SPNS2: variants seen among roughly 807,000 people sequenced by gnomAD.
SPNS2 encodes the protein SPNS lysolipid transporter 2, sphingosine-1-phosphate.
Under a neutral mutation model 57.6 loss-of-function variants are expected in SPNS2, and 37 were observed. The observed-to-expected ratio is 0.64, with a 90% CI of 0.49 to 0.85. The LOEUF (loss-of-function observed/expected upper bound fraction) is 0.85, where lower values mean the gene tolerates loss of function less well. SPNS2 is among the 40% of genes least tolerant of loss of function. SPNS2 has a pLI of 0.00. For missense variants in SPNS2, 831 were observed against 779.1 expected (o/e 1.07, Z -0.79); for synonymous variants, 440 against 346.9 (o/e 1.27, Z -2.98).
In SPNS2 at chr17:4,522,641, C is replaced by T. The variant is rs140987451; in HGVS notation, c.437-2416C>T. The stretch of plus-strand genomic sequence containing the variant: ...GGTCTCAGGCCCACGGAGGAGCAGC[C>T]GGGACCACGCACACATTCAGCCTGG... On this transcript the variant is annotated intron_variant, in intron 2 of 12. Coordinates refer to ENST00000329078, the MANE Select transcript of SPNS2 (RefSeq NM_001124758.3). 1.6e-3 allele frequency among the ~76,000 whole-genome samples: 250 copies of T among 152,328 alleles called. 1 individual carries two copies. The highest frequency in any genetic ancestry group is 5.6e-3 in the African/African-American group (231 of 41,580).
rs1044505317 is a variant in SPNS2, at chr17:4,532,913, T to C, written c.936-64T>C. 7.2e-5 allele frequency: 112 copies of C among 1,557,034 alleles called. No homozygotes were observed. The African/African-American group carries it at 1.4e-3, about 19-fold the overall frequency. ...GGGGGCCTCCTGTTCCCCCAGTGCA[T>C]GGGGCTGCCTAGGGGGGTGAAGGAG... On this transcript the variant is annotated intron_variant, in intron 6 of 12. Coordinates refer to ENST00000329078, the MANE Select transcript of SPNS2 (RefSeq NM_001124758.3).
At position 4,536,462 on chromosome 17, in the gene SPNS2, C is replaced by T. The variant is rs376934065; in HGVS notation, c.1607+36C>T. 17 of 1,573,374 alleles carry T rather than the reference C, an allele frequency of 1.1e-5. No homozygotes were observed. In the East Asian group the frequency reaches 1.3e-4, roughly 12 times the overall value. On this transcript the variant is annotated intron_variant, in intron 11 of 12. Coordinates refer to ENST00000329078, the MANE Select transcript of SPNS2 (RefSeq NM_001124758.3). ...GGGAGGGGAGGCCCTGCTGCACCGCCGGGAAGCAGGGACCGTGATAGCCAC... is the reference window on the plus strand; with the variant it reads ...GGGAGGGGAGGCCCTGCTGCACCGCTGGGAAGCAGGGACCGTGATAGCCAC...
Position 4,537,483 on chromosome 17 carries a change from C to T in SPNS2, c.*35C>T, listed in dbSNP as rs1207410209. ...ATTGGGACAATGAAGAACCCACACT[C>T]CCACCTCGTCTGGGAGGTGTCCTAC... On this transcript the variant is annotated 3_prime_UTR_variant, in exon 13 of 13. Coordinates refer to ENST00000329078, the MANE Select transcript of SPNS2 (RefSeq NM_001124758.3). 4.4e-6 allele frequency: 2 copies of T among 456,562 alleles called. No individual in the cohort carries two copies. Among genetic ancestry groups the T allele is most frequent in the Admixed American group, 4.7e-5 (2 of 42,580 alleles). 28.3% of individuals were successfully genotyped at this position (456,562 alleles called of 1,614,324 possible).
At chr17:4,536,473 G>C in intron 11 of SPNS2, 47 bp downstream of exon 11, 1 of 1,566,350 alleles carries the variant, frequency 6.4e-7, no homozygotes. Context: ...GGGAAGCAGG[G>C]ACCGTGATAG....
chr17:4,500,698 G>T (rs918348649), intron 1 of SPNS2, among the ~76,000 whole-genome samples: 54 of 138,918 alleles, frequency 3.9e-4, no homozygotes, highest in Admixed American at 2.2e-3. Flanking sequence ...TAAACCACAT[G>T]CCACCTGGTG....
At chr17:4,532,711 G>A (rs773871133) in intron 6 of SPNS2, 27 bp downstream of exon 6, 248 of 1,606,686 alleles carry the variant, frequency 1.5e-4, no homozygotes, top group Non-Finnish European at 1.9e-4. Context: ...GGGGTCTGGT[G>A]GGAAGAGAGA....
rs1014446650 is a variant in SPNS2 at position 4,538,719 on chromosome 17, T to G, written c.*1271T>G. The G allele has an allele frequency of 2.3e-5, 15 of 643,998 alleles. No individual in the cohort carries two copies. Among genetic ancestry groups the G allele is most frequent in the Non-Finnish European group, 4.1e-5 (15 of 362,232 alleles). The allele number at this position is 643,998 out of a possible 1,614,324, so 39.9% of individuals were successfully genotyped here. On this transcript the variant is annotated 3_prime_UTR_variant, in exon 13 of 13. Coordinates refer to ENST00000329078, the MANE Select transcript of SPNS2 (RefSeq NM_001124758.3). Reference sequence around the variant, plus strand: ...CTCTTCTTGCCCCTTAGTTACTGGCTGGCTGTGGCTTCAGTGGTGTGTAAG... The same window carrying G: ...CTCTTCTTGCCCCTTAGTTACTGGCGGGCTGTGGCTTCAGTGGTGTGTAAG...
At chr17:4,529,072 A>C (rs1905351450) in intron 3 of SPNS2, among the ~76,000 whole-genome samples, 1 of 151,640 alleles carries the variant, frequency 6.6e-6, no homozygotes, top group African/African-American at 2.4e-5. Context: ...AGTAGCTGGG[A>C]TCACAGGCAC....
intron 3 of SPNS2, among the ~76,000 whole-genome samples, chr17:4,529,200 C>T (rs1905356030): frequency 6.6e-6 from 1 of 152,080 alleles, no homozygotes. Context: ...TCCCAAAGTG[C>T]TGGGATTACA....
Position 4,537,805 on chromosome 17 carries a change from C to T in SPNS2, c.*357C>T, listed in dbSNP as rs971642465. The T allele has an allele frequency of 4.8e-5, 22 of 455,732 alleles. No individual in the cohort carries two copies. In the Middle Eastern group the frequency reaches 9.8e-4, roughly 20 times the overall value. The allele number at this position is 455,732 out of a possible 1,614,324, so 28.2% of individuals were successfully genotyped here. Reference sequence around the variant, plus strand: ...GGGCAAGTCCCTGCCCTCCCTGGAACGAAGGGCCAGGGGGCTGGACTTTCC... The same window carrying T: ...GGGCAAGTCCCTGCCCTCCCTGGAATGAAGGGCCAGGGGGCTGGACTTTCC... On this transcript the variant is annotated 3_prime_UTR_variant, in exon 13 of 13. Coordinates refer to ENST00000329078, the MANE Select transcript of SPNS2 (RefSeq NM_001124758.3).
intron 2 of SPNS2, among the ~76,000 whole-genome samples, chr17:4,519,463 CGAG>C (rs1905082753): frequency 6.6e-6 from 1 of 152,130 alleles, no homozygotes; most frequent in Non-Finnish European, 1.5e-5. Flanking sequence ...GCCAGCCTGG[CGAG>C]GAGGAGGGAG....
rs775700433 is a variant in SPNS2, at chr17:4,536,088, C to T, written c.1357C>T (p.Pro453Ser). 3.1e-6 allele frequency: 5 copies of T among 1,611,822 alleles called. No homozygotes were observed. Among genetic ancestry groups the T allele is most frequent in the South Asian group, 2.2e-5 (2 of 91,040 alleles). ...TADILMYVVI[P>S]TRRATAVALQ... The stretch of plus-strand genomic sequence containing the variant: ...GCCTGTTCCGCAGTACGTGGTCATC[C>T]CCACGCGGCGCGCCACTGCCGTGGC... Residue 453 changes from proline to serine, a missense_variant, in exon 10 of 13, where the codon CCC (proline) becomes TCC (serine). Transcript: ENST00000329078.
In SPNS2 at chr17:4,534,935, C is replaced by T. The variant is rs377645268; in HGVS notation, c.1344+1082C>T. Among the ~76,000 whole-genome samples, 25 of 152,298 alleles carry T rather than the reference C, an allele frequency of 1.6e-4. No homozygotes were observed. In the East Asian group the frequency reaches 2.3e-3, roughly 14 times the overall value. ...TCAGGGTCCCGGGGAAATCGCGTCC[C>T]GGTTTATTAAGTGTAACAGTTTATT... On this transcript the variant is annotated intron_variant, in intron 9 of 12. Coordinates refer to ENST00000329078, the MANE Select transcript of SPNS2 (RefSeq NM_001124758.3).
intron 2 of SPNS2, among the ~76,000 whole-genome samples, chr17:4,521,459 G>A (rs1020985410): frequency 2.6e-5 from 4 of 152,228 alleles, no homozygotes; most frequent in African/African-American, 9.7e-5. Context: ...GGCCTGCTCT[G>A]GGCAGGGTGT....
At chr17:4,515,933 C>A (rs1170804534) in intron 2 of SPNS2, among the ~76,000 whole-genome samples, 1 of 152,220 alleles carries the variant, frequency 6.6e-6, no homozygotes, top group Non-Finnish European at 1.5e-5. Context: ...AGCCCCTTTG[C>A]AGATTAGATG....
intron 6 of SPNS2, 146 bp from the exon 7 acceptor site, chr17:4,532,831 A>G: frequency 6.9e-7 from 1 of 1,455,004 alleles, no homozygotes; most frequent in Non-Finnish European, 9.2e-7. Context: ...TGGCCCCAGA[A>G]TCGATTATTC....
intron 3 of SPNS2, among the ~76,000 whole-genome samples, chr17:4,529,023 A>G (rs1455722041): frequency 6.7e-6 from 1 of 149,428 alleles, no homozygotes; most frequent in Non-Finnish European, 1.5e-5. Flanking sequence ...TGCAACCTCC[A>G]CCTCCCGAGT....
intron 3 of SPNS2, among the ~76,000 whole-genome samples, chr17:4,529,085 G>A (rs1048705162): frequency 3.5e-4 from 53 of 151,654 alleles, no homozygotes; most frequent in African/African-American, 1.2e-3. Flanking sequence ...ACAGGCACCC[G>A]CCAACACACC....
chr17:4,500,580 AAC>A (rs10616309), intron 1 of SPNS2, among the ~76,000 whole-genome samples: 6 of 152,030 alleles, frequency 3.9e-5, no homozygotes, highest in South Asian at 4.1e-4. Context: ...GGAGCTATCA[AAC>A]ACACACACAA....
Sources: allele counts gnomAD v4.1 joint callset (sites outside exome capture counted in the v4.1 genomes callset), GRCh38; gene constraint gnomAD v4.1.1; transcripts MANE v1.5; gene names NCBI Gene and HGNC (gene_info 2026-07-23, HGNC 2026-07-21).